The following HMHB1 variants were observed in gnomAD, a reference collection of about 807,000 sequenced individuals.
The protein encoded by HMHB1 is histocompatibility minor HB-1.
Under a neutral mutation model 2.4 loss-of-function variants are expected in HMHB1, and 4 were observed. The ratio of observed to expected loss-of-function variants is 1.65; its 90% CI spans 0.81 to 3.77. The LOEUF (loss-of-function observed/expected upper bound fraction) is 3.77. Ranked by LOEUF, HMHB1 falls within the 30% of genes most tolerant of loss-of-function variation. The pLI, the probability that HMHB1 is intolerant of heterozygous loss-of-function variation, is 0.01. For missense variants in HMHB1, 57 were observed against 44.2 expected, an observed-to-expected ratio of 1.29 and a Z score of -0.82; for synonymous variants, 22 against 17.6, an observed-to-expected ratio of 1.25 and a Z score of -0.63.
At chr5:143,814,535 G>A (rs1309882880) in intron 1 of HMHB1, among the ~76,000 whole-genome samples, 2 of 152,186 alleles carry the variant, frequency 1.3e-5, no homozygotes, top group East Asian at 3.8e-4. Flanking sequence ...AGCTGTCAGA[G>A]AGAGGACAGT....
At chr5:143,815,723 G>A (rs113723691) in intron 1 of HMHB1, among the ~76,000 whole-genome samples, 18,825 of 138,666 alleles carry the variant, frequency 0.14, 1,684 homozygotes, top group Admixed American at 0.23. Flanking sequence ...TTTTTGAGAC[G>A]GAGTCTCGCT....
chr5:143,820,502 G>A lies in HMHB1; in HGVS notation c.60G>A (p.Ser20=), dbSNP rs771472354. 9.9e-5 allele frequency: 159 copies of A among 1,611,986 alleles called. No homozygotes were observed. In the Middle Eastern group the frequency reaches 1.3e-3, roughly 13 times the overall value. Residue 20 remains serine (S), a synonymous_variant, in exon 2 of 2, where the codon TCG becomes TCA. Coordinates refer to ENST00000289448, the MANE Select transcript of HMHB1 (RefSeq NM_021182.3). ...TAGGTTCTCTGCATGTTTGGAAGTC[G>A]GAATTGGTTGAAGTTGAAGATGATG... is the stretch of plus-strand genomic sequence containing the variant.
chr5:143,812,424 T>G (rs2232235), intron 1 of HMHB1, 120 bp downstream of exon 1: 1 of 928,666 alleles, frequency 1.1e-6, no homozygotes, highest in Non-Finnish European at 1.7e-6. Flanking sequence ...AAAACAGGGA[T>G]GGCGGAAGGC....
chr5:143,814,400 G>A (rs999789319), intron 1 of HMHB1, among the ~76,000 whole-genome samples: 2 of 152,178 alleles, frequency 1.3e-5, no homozygotes, highest in African/African-American at 2.4e-5. Flanking sequence ...AATTGACAAT[G>A]TCTTTCTTTA....
In HMHB1 at chr5:143,812,182, C is replaced by A. The variant is rs891236040; in HGVS notation, c.-86C>A. On this transcript the variant is annotated 5_prime_UTR_variant, in exon 1 of 2. Coordinates refer to ENST00000289448, the MANE Select transcript of HMHB1 (RefSeq NM_021182.3). ...GAAACCACATCCCAGGAGGCCGAGG[C>A]GGCTTGCCCCGCATCTCAGAAGCCG... 5.6e-6 allele frequency: 7 copies of A among 1,256,088 alleles called. No homozygotes were observed. The East Asian group carries it at 1.0e-4, about 18-fold the overall frequency. The allele number at this position is 1,256,088 out of a possible 1,614,324, so 77.8% of individuals were successfully genotyped here.
chr5:143,820,558 A>G lies in HMHB1; in HGVS notation c.116A>G (p.Tyr39Cys), dbSNP rs376772606. Residue 39 changes from tyrosine to cysteine, a missense_variant, in exon 2 of 2, where the codon TAT (tyrosine) becomes TGT (cysteine). Transcript: ENST00000289448. ...CTGAGGCACAGCTCTTCCCTGACTT[A>G]TAGGCTTTGACACTGCTGTTGAGGT... The G allele has an allele frequency of 4.3e-6, 7 of 1,610,580 alleles. No individual in the cohort carries two copies. The highest frequency in any genetic ancestry group is 1.3e-5 in the African/African-American group (1 of 74,824).
At chr5:143,819,366 A>C (rs1439655067) in intron 1 of HMHB1, among the ~76,000 whole-genome samples, 2 of 152,244 alleles carry the variant, frequency 1.3e-5, no homozygotes, top group Non-Finnish European at 2.9e-5. Flanking sequence ...TATCCTGGCA[A>C]CTTCCTTGTA....
At chr5:143,813,344 A>G (rs761164439) in intron 1 of HMHB1, among the ~76,000 whole-genome samples, 1 of 152,200 alleles carries the variant, frequency 6.6e-6, no homozygotes, top group Non-Finnish European at 1.5e-5. Flanking sequence ...AGGCAAAATA[A>G]ACCACTCCCT....
rs1287017847 is a variant in HMHB1, at chr5:143,817,758, G to C, written c.38-2722G>C. Among the ~76,000 whole-genome samples the C allele has an allele frequency of 2.0e-5, 3 of 152,142 alleles. No individual in the cohort carries two copies. The East Asian group carries it at 5.8e-4, about 29-fold the overall frequency. On this transcript the variant is annotated intron_variant, in intron 1 of 1. Coordinates refer to ENST00000289448, the MANE Select transcript of HMHB1 (RefSeq NM_021182.3). ...GTGTGAAGAATGATGGTGGTATTTT[G>C]ATGGGGATGGTGTTGAATTTGTAGA...
chr5:143,820,576 G>C lies in HMHB1; in HGVS notation c.*8G>C. The C allele has an allele frequency of 1.3e-6, 2 of 1,588,596 alleles. No individual in the cohort carries two copies. The highest frequency in any genetic ancestry group is 1.1e-5 in the South Asian group (1 of 90,412). On this transcript the variant is annotated 3_prime_UTR_variant, in exon 2 of 2. Transcript: ENST00000289448. ...CTGACTTATAGGCTTTGACACTGCT[G>C]TTGAGGTTTGACTCGAAGCCCAGAG...
intron 1 of HMHB1, among the ~76,000 whole-genome samples, chr5:143,813,466 T>C (rs1759714692): frequency 6.6e-6 from 1 of 152,238 alleles, no homozygotes; most frequent in South Asian, 2.1e-4. Flanking sequence ...TCTGTATCCT[T>C]GGCATCTAGC....
chr5:143,820,528 T>C lies in HMHB1; in HGVS notation c.86T>C (p.Val29Ala). Residue 29 changes from valine to alanine, a missense_variant, in exon 2 of 2, where the codon GTG becomes GCG. Transcript: ENST00000289448. Reference sequence around the variant, plus strand: ...GAATTGGTTGAAGTTGAAGATGATGTGTATCTGAGGCACAGCTCTTCCCTG... The same window carrying C: ...GAATTGGTTGAAGTTGAAGATGATGCGTATCTGAGGCACAGCTCTTCCCTG... 1 of 1,613,290 alleles carries C rather than the reference T, an allele frequency of 6.2e-7. No homozygotes were observed. The highest frequency in any genetic ancestry group is 2.2e-5 in the East Asian group (1 of 44,858).
rs1256795952 is a variant in HMHB1 at position 143,820,540 on chromosome 5, A to G, written c.98A>G (p.His33Arg). Residue 33 changes from histidine (H) to arginine (R), a missense_variant, in exon 2 of 2, where the codon CAC (histidine) becomes CGC (arginine). Coordinates refer to ENST00000289448, the MANE Select transcript of HMHB1 (RefSeq NM_021182.3). ...GTTGAAGATGATGTGTATCTGAGGC[A>G]CAGCTCTTCCCTGACTTATAGGCTT... is the stretch of plus-strand genomic sequence containing the variant. The G allele has an allele frequency of 3.1e-6, 5 of 1,613,000 alleles. No individual in the cohort carries two copies. Among genetic ancestry groups the G allele is most frequent in the African/African-American group, 1.3e-5 (1 of 75,002 alleles).
intron 1 of HMHB1, among the ~76,000 whole-genome samples, chr5:143,815,702 ATT>A (rs570778720): frequency 9.3e-5 from 7 of 75,664 alleles, no homozygotes; most frequent in Admixed American, 1.2e-4. Flanking sequence ...TAATTTTTGT[ATT>A]TTTTTTTTTT....
intron 1 of HMHB1, among the ~76,000 whole-genome samples, chr5:143,812,566 A>C (rs1421742264): frequency 1.3e-5 from 2 of 152,162 alleles, no homozygotes; most frequent in Non-Finnish European, 2.9e-5. Flanking sequence ...CAGTTGGAGC[A>C]GCTGCCTGCA....
At chr5:143,816,295 A>G (rs1345527797) in intron 1 of HMHB1, among the ~76,000 whole-genome samples, 1 of 152,006 alleles carries the variant, frequency 6.6e-6, no homozygotes, top group East Asian at 1.9e-4. Flanking sequence ...ATTTTGGTGC[A>G]CTCATCACAT....
chr5:143,812,244 C>A lies in HMHB1; in HGVS notation c.-24C>A. 1 of 1,551,438 alleles carries A rather than the reference C, an allele frequency of 6.4e-7. No homozygotes were observed. The highest frequency in any genetic ancestry group is 1.2e-5 in the South Asian group (1 of 84,022). Reference sequence around the variant, plus strand: ...AGCCTTCTGACCTCACATCCTCTGCCACACCACAGTGGAGAAACCAGAACT... The same window carrying A: ...AGCCTTCTGACCTCACATCCTCTGCAACACCACAGTGGAGAAACCAGAACT... On this transcript the variant is annotated 5_prime_UTR_variant, in exon 1 of 2. Coordinates refer to ENST00000289448, the MANE Select transcript of HMHB1 (RefSeq NM_021182.3).
intron 1 of HMHB1, among the ~76,000 whole-genome samples, chr5:143,815,306 G>T (rs1310567091): frequency 6.6e-6 from 1 of 152,172 alleles, no homozygotes; most frequent in East Asian, 1.9e-4. Flanking sequence ...TGTCAGTGGG[G>T]CTGTGGTTTT....
intron 1 of HMHB1, among the ~76,000 whole-genome samples, chr5:143,817,828 A>G (rs1259273831): frequency 6.6e-6 from 1 of 152,208 alleles, no homozygotes; most frequent in Non-Finnish European, 1.5e-5. Context: ...GATTTGCAGT[A>G]GCATCCAAAG....
Sources: gnomAD v4.1 joint callset for allele counts (sites outside exome capture counted in the v4.1 genomes callset) on GRCh38, gnomAD v4.1.1 for gene constraint, MANE v1.5 for transcripts, NCBI Gene and HGNC (gene_info 2026-07-23, HGNC 2026-07-21) for gene names.